PTPRK: variants seen among roughly 807,000 people sequenced by gnomAD.
The protein encoded by PTPRK is receptor-type tyrosine-protein phosphatase kappa.
Under a neutral mutation model 178.0 loss-of-function variants are expected in PTPRK, and 75 were observed. The observed-to-expected ratio is 0.42, with a 90% CI of 0.35 to 0.51. The LOEUF (loss-of-function observed/expected upper bound fraction) is 0.51, where lower values mean the gene tolerates loss of function less well. Ranked by LOEUF, PTPRK falls within the 20% of genes least tolerant of loss-of-function variation. The pLI is 0.02. For missense variants in PTPRK, 1,441 were observed against 1,797.8 expected, an observed-to-expected ratio of 0.80 and a Z score of 3.59; for synonymous variants, 637 against 620.6, an observed-to-expected ratio of 1.03 and a Z score of -0.39.
In PTPRK at chr6:128,005,120, T is replaced by C. The variant is rs142735468; in HGVS notation, c.2458A>G (p.Ile820Val). 1.9e-6 allele frequency: 3 copies of C among 1,610,432 alleles called. No homozygotes were observed. The highest frequency in any genetic ancestry group is 1.3e-5 in the African/African-American group (1 of 74,668). The change falls in exon 15 of 30, where the codon ATC becomes GTC. Residue 820 changes from isoleucine (I) to valine (V), a missense_variant. Physicochemically the swap from Ile to Val is conservative, Grantham distance 29. Around this residue, in one of 4 missense-constraint regions of PTPRK, gnomAD observed 945 missense variants for 1,080.6 expected, o/e 0.87. Transcript: ENST00000368226. ...AAGTTATGTTGGTCCATGAAGGTGA[T>C]GGAAAGAGGATCTTCTGCATGCAGA... ...STLHAEDPLS[I>V]TFMDQHNFSP...
intron 2 of PTPRK, among the ~76,000 whole-genome samples, chr6:128,372,702 C>T (rs1204412174): frequency 6.6e-6 from 1 of 152,120 alleles, no homozygotes; most frequent in Non-Finnish European, 1.5e-5. Context: ...TAAGTGCCCA[C>T]ACATGATACT....
intron 3 of PTPRK, among the ~76,000 whole-genome samples, chr6:128,287,797 C>A (rs1033980989): frequency 6.6e-6 from 1 of 152,082 alleles, no homozygotes; most frequent in Non-Finnish European, 1.5e-5. Flanking sequence ...GATCTCATTC[C>A]GTCTGTCATC....
At chr6:128,010,720 T>C (rs113356103) in intron 13 of PTPRK, among the ~76,000 whole-genome samples, 4 of 151,272 alleles carry the variant, frequency 2.6e-5, no homozygotes, top group African/African-American at 9.7e-5. Context: ...ACAGTTAACT[T>C]TGTAAAACAA....
intron 3 of PTPRK, among the ~76,000 whole-genome samples, chr6:128,305,098 T>A (rs1826179022): frequency 6.6e-6 from 1 of 152,176 alleles, no homozygotes; most frequent in Non-Finnish European, 1.5e-5. Context: ...AACAGTAAGT[T>A]TGAAAAAGAA....
At chr6:128,509,203 GT>G (rs1464036346) in intron 1 of PTPRK, among the ~76,000 whole-genome samples, 2 of 152,090 alleles carry the variant, frequency 1.3e-5, no homozygotes, top group Non-Finnish European at 1.5e-5. Context: ...TTCCATACGA[GT>G]TTCAGACGTC....
At chr6:128,258,815 G>A (rs1817736569) in intron 3 of PTPRK, among the ~76,000 whole-genome samples, 1 of 152,196 alleles carries the variant, frequency 6.6e-6, no homozygotes, top group South Asian at 2.1e-4. Context: ...GGGAATGACA[G>A]GCACAAAGAC....
At chr6:128,153,227 A>G (rs1057461928) in intron 7 of PTPRK, among the ~76,000 whole-genome samples, 3 of 152,028 alleles carry the variant, frequency 2.0e-5, no homozygotes, top group African/African-American at 7.2e-5. Flanking sequence ...GACACTTGAG[A>G]AAACCAGGAT....
At chr6:128,257,262 G>A (rs1817490138) in intron 3 of PTPRK, among the ~76,000 whole-genome samples, 1 of 151,014 alleles carries the variant, frequency 6.6e-6, no homozygotes, top group South Asian at 2.1e-4. Flanking sequence ...GAGATAGGAA[G>A]CTGGGACCTT....
At chr6:128,227,953 C>T (rs1811634547) in intron 5 of PTPRK, among the ~76,000 whole-genome samples, 1 of 151,814 alleles carries the variant, frequency 6.6e-6, no homozygotes, top group South Asian at 2.1e-4. Flanking sequence ...GAACATCACA[C>T]ACTGGGGCCT....
At chr6:128,145,678 G>T (rs1186404252) in intron 7 of PTPRK, among the ~76,000 whole-genome samples, 1 of 148,888 alleles carries the variant, frequency 6.7e-6, no homozygotes, top group Non-Finnish European at 1.5e-5. Flanking sequence ...GATCAAAAAA[G>T]ATTACTTACT....
At position 127,981,105 on chromosome 6, in the gene PTPRK, C is replaced by A. The variant is rs1450237934; in HGVS notation, c.3711+11G>T. 1 of 1,610,700 alleles carries A rather than the reference C, an allele frequency of 6.2e-7. No individual in the cohort carries two copies. The highest frequency in any genetic ancestry group is 1.3e-5 in the African/African-American group (1 of 74,860). On this transcript the variant is annotated intron_variant, in intron 25 of 29. Transcript: ENST00000368226. Reference sequence around the variant, plus strand: ...CAACACTCTACACTAACAAAGAGGGCAGTCTCTTACGTCCATAAGAGCAGC... The same window carrying A: ...CAACACTCTACACTAACAAAGAGGGAAGTCTCTTACGTCCATAAGAGCAGC...
At chr6:128,518,324 C>T (rs999676370) in intron 1 of PTPRK, among the ~76,000 whole-genome samples, 5 of 152,112 alleles carry the variant, frequency 3.3e-5, no homozygotes, top group Admixed American at 1.3e-4. Flanking sequence ...GTTTATTGTA[C>T]GTATCTAAAC....
chr6:128,102,090 T>C (rs1172663473), intron 7 of PTPRK, among the ~76,000 whole-genome samples: 1 of 152,212 alleles, frequency 6.6e-6, no homozygotes, highest in Non-Finnish European at 1.5e-5. Flanking sequence ...AACTGAGTCT[T>C]GAAGAAATGG....
At chr6:128,092,407 G>T (rs918455876) in intron 7 of PTPRK, among the ~76,000 whole-genome samples, 1 of 152,036 alleles carries the variant, frequency 6.6e-6, no homozygotes, top group Non-Finnish European at 1.5e-5. Flanking sequence ...TTTGAGCTGC[G>T]TGGAATTAAT....
chr6:128,318,481 GT>G (rs1828344047), intron 3 of PTPRK, among the ~76,000 whole-genome samples: 1 of 151,956 alleles, frequency 6.6e-6, no homozygotes, highest in South Asian at 2.1e-4. Context: ...AGTTGTGTTT[GT>G]TTCTCCATGT....
intron 1 of PTPRK, among the ~76,000 whole-genome samples, chr6:128,504,387 G>T (rs1856014237): frequency 6.6e-6 from 1 of 152,228 alleles, no homozygotes; most frequent in Non-Finnish European, 1.5e-5. Flanking sequence ...AGCAAGGATA[G>T]AGTACTTTCA....
At chr6:128,261,091 T>C (rs2128293353) in intron 3 of PTPRK, among the ~76,000 whole-genome samples, 1 of 152,258 alleles carries the variant, frequency 6.6e-6, no homozygotes, top group East Asian at 1.9e-4. Context: ...TTTTCTATTT[T>C]ACCCATCCAA....
intron 3 of PTPRK, among the ~76,000 whole-genome samples, chr6:128,301,490 A>G (rs1486735533): frequency 2.0e-5 from 3 of 152,206 alleles, no homozygotes; most frequent in Middle Eastern, 3.4e-3. Context: ...TGTTAAGCAC[A>G]TGCATTAATA....
chr6:128,026,114 G>A (rs1272836784), intron 13 of PTPRK, among the ~76,000 whole-genome samples: 2 of 152,066 alleles, frequency 1.3e-5, no homozygotes, highest in Non-Finnish European at 2.9e-5. Flanking sequence ...AGAGAGAGAG[G>A]CCTAAGTGAT....
Sources: allele counts gnomAD v4.1 joint callset (sites outside exome capture counted in the v4.1 genomes callset), GRCh38; gene constraint gnomAD v4.1.1; regional missense constraint gnomAD v4.1.1; transcripts MANE v1.5; gene names NCBI Gene and HGNC (gene_info 2026-07-23, HGNC 2026-07-21).